Variants in ATP8A2 observed in about 807,000 individuals in gnomAD.
The protein encoded by ATP8A2 is ATPase phospholipid transporting 8A2.
A neutral mutation model predicts 165.6 loss-of-function variants in ATP8A2; 100 were observed. The ratio of observed to expected loss-of-function variants is 0.60; its 90% CI spans 0.51 to 0.71. ATP8A2 has a LOEUF of 0.71. Among genes scored for constraint, ATP8A2 ranks in the 30% least tolerant of loss-of-function variants. The probability of loss-of-function intolerance (pLI) is 0.00; values close to 1 mark genes in which losing one functional copy is unlikely to be tolerated. For synonymous variants in ATP8A2, 543 were observed against 548.8 expected, an observed-to-expected ratio of 0.99 and a Z score of 0.15; for missense variants, 1,227 against 1,479.5, an observed-to-expected ratio of 0.83 and a Z score of 2.80.
chr13:25,462,495 G>A (rs1223218277), intron 1 of ATP8A2, among the ~76,000 whole-genome samples: 1 of 4,050 alleles, frequency 2.5e-4, no homozygotes, highest in African/African-American at 3.0e-4. Flanking sequence ...TGAAGCTTCT[G>A]TGCTTCAAGA....
At chr13:25,421,509 AC>A (rs762047160) in intron 1 of ATP8A2, among the ~76,000 whole-genome samples, 19 of 152,202 alleles carry the variant, frequency 1.2e-4, no homozygotes, top group Non-Finnish European at 2.2e-4. Context: ...TATTTTTAAA[AC>A]TTTTTGTAGA....
chr13:25,587,059 C>T (rs1219923699), intron 23 of ATP8A2, among the ~76,000 whole-genome samples: 5 of 152,010 alleles, frequency 3.3e-5, no homozygotes, highest in East Asian at 1.9e-4. Context: ...ATTTTATGGC[C>T]GTCTTGTTAG....
chr13:25,742,770 A>T (rs2043944907), intron 25 of ATP8A2, among the ~76,000 whole-genome samples: 2 of 150,606 alleles, frequency 1.3e-5, no homozygotes, highest in South Asian at 4.2e-4. Context: ...TCTAGAAAAG[A>T]TGGAGGAGGC....
intron 1 of ATP8A2, among the ~76,000 whole-genome samples, chr13:25,459,235 T>C (rs972829303): frequency 6.6e-6 from 1 of 152,220 alleles, no homozygotes; most frequent in African/African-American, 2.4e-5. Flanking sequence ...CTTAAACTTT[T>C]CACATTGGAC....
chr13:25,416,410 T>C (rs2034134205), intron 1 of ATP8A2, among the ~76,000 whole-genome samples: 1 of 152,160 alleles, frequency 6.6e-6, no homozygotes, highest in South Asian at 2.1e-4. Context: ...TTGTTTGTGT[T>C]GCTGTTCCCC....
chr13:25,976,753 G>A (rs565189934), intron 35 of ATP8A2, among the ~76,000 whole-genome samples: 3 of 152,114 alleles, frequency 2.0e-5, no homozygotes, highest in Admixed American at 6.5e-5. Context: ...AGCAAATAAA[G>A]GGAAAAGAGT....
At chr13:25,464,444 T>C (rs1330907901) in intron 1 of ATP8A2, among the ~76,000 whole-genome samples, 1 of 40,040 alleles carries the variant, frequency 2.5e-5, no homozygotes, top group Admixed American at 2.4e-4. Flanking sequence ...CTCATCTCTA[T>C]CTAAAAAAAA....
intron 27 of ATP8A2, among the ~76,000 whole-genome samples, chr13:25,796,020 G>A (rs1950492386): frequency 6.6e-6 from 1 of 151,848 alleles, no homozygotes; most frequent in South Asian, 2.1e-4. Flanking sequence ...CACGATCTTG[G>A]CTCACTGCAA....
chr13:25,398,055 A>T (rs552256025), intron 1 of ATP8A2, among the ~76,000 whole-genome samples: 71 of 152,208 alleles, frequency 4.7e-4, no homozygotes, highest in Non-Finnish European at 7.6e-4. Flanking sequence ...TCTTATCAGA[A>T]CTTAAAAGGT....
chr13:25,668,628 C>T (rs1245808862), intron 24 of ATP8A2, among the ~76,000 whole-genome samples: 1 of 152,052 alleles, frequency 6.6e-6, no homozygotes, highest in Non-Finnish European at 1.5e-5. Context: ...GCCTCTTTAT[C>T]TCTCTGTTTT....
At chr13:25,433,417 C>T (rs550251868) in intron 1 of ATP8A2, among the ~76,000 whole-genome samples, 21 of 152,208 alleles carry the variant, frequency 1.4e-4, no homozygotes, top group African/African-American at 4.1e-4. Flanking sequence ...GGACTACAGG[C>T]GTGTGCCACC....
At chr13:25,641,144 T>C (rs1237569047) in intron 24 of ATP8A2, among the ~76,000 whole-genome samples, 2 of 152,142 alleles carry the variant, frequency 1.3e-5, no homozygotes, top group Non-Finnish European at 2.9e-5. Context: ...CCACAGCCAA[T>C]ATCATACTGA....
intron 24 of ATP8A2, among the ~76,000 whole-genome samples, chr13:25,618,906 C>G (rs1278240604): frequency 2.6e-5 from 4 of 152,120 alleles, no homozygotes; most frequent in African/African-American, 9.7e-5. Context: ...GAAAGAACTC[C>G]CAGTTCTCAG....
chr13:25,583,571 C>T (rs1301103261), intron 23 of ATP8A2, among the ~76,000 whole-genome samples: 1 of 152,136 alleles, frequency 6.6e-6, no homozygotes, highest in Non-Finnish European at 1.5e-5. Flanking sequence ...TGCCTCTCAT[C>T]CACACCGCCC....
At chr13:25,374,485 G>A (rs77506729) in intron 1 of ATP8A2, among the ~76,000 whole-genome samples, 2,938 of 152,242 alleles carry the variant, frequency 0.019, 97 homozygotes, top group African/African-American at 0.066. Context: ...AAGAGAGGTC[G>A]CTTTGTTTTG....
chr13:25,958,674 C>A (rs1241692250), intron 33 of ATP8A2, among the ~76,000 whole-genome samples: 1 of 152,206 alleles, frequency 6.6e-6, no homozygotes, highest in Non-Finnish European at 1.5e-5. Flanking sequence ...GGGTCTCAGT[C>A]CATCTGTGAA....
chr13:25,940,232 C>T (rs1955034759), intron 33 of ATP8A2, among the ~76,000 whole-genome samples: 1 of 152,122 alleles, frequency 6.6e-6, no homozygotes, highest in Non-Finnish European at 1.5e-5. Flanking sequence ...GGCCCCTTCC[C>T]GGTGGCTCTT....
intron 33 of ATP8A2, among the ~76,000 whole-genome samples, chr13:25,898,658 C>T (rs1006587322): frequency 3.8e-4 from 58 of 152,358 alleles, no homozygotes; most frequent in African/African-American, 1.4e-3. Flanking sequence ...CCTCCTTGAG[C>T]TGTGGTGGGC....
intron 24 of ATP8A2, among the ~76,000 whole-genome samples, chr13:25,646,043 T>A (rs1414061990): frequency 6.6e-6 from 1 of 152,218 alleles, no homozygotes; most frequent in Non-Finnish European, 1.5e-5. Context: ...TATTGGAATC[T>A]ATCTCTCCCT....
Sources: allele counts gnomAD v4.1 joint callset (sites outside exome capture counted in the v4.1 genomes callset), GRCh38; gene constraint gnomAD v4.1.1; transcripts MANE v1.5; gene names NCBI Gene and HGNC (gene_info 2026-07-23, HGNC 2026-07-21).